The following CA1 variants were observed in gnomAD, a reference collection of about 807,000 sequenced individuals.
CA1 encodes carbonate dehydratase I.
A neutral mutation model predicts 28.8 loss-of-function variants in CA1; 27 were observed. That is an observed-to-expected ratio of 0.94 (90% CI 0.69 to 1.29). The LOEUF (loss-of-function observed/expected upper bound fraction) is 1.29, where lower values mean the gene tolerates loss of function less well. Among genes scored for constraint, CA1 ranks in the 50% most tolerant of loss-of-function variants. CA1 has a pLI of 0.00. For missense variants in CA1, 335 were observed against 310.5 expected (o/e 1.08, Z -0.59); for synonymous variants, 121 against 108.8 (o/e 1.11, Z -0.70).
At chr8:85,344,214 A>C (rs1201860331) in intron 1 of CA1, among the ~76,000 whole-genome samples, 1 of 107,684 alleles carries the variant, frequency 9.3e-6, no homozygotes, top group Non-Finnish European at 1.7e-5. Flanking sequence ...ATATAATATA[A>C]TTATATTATA....
chr8:85,360,250 T>TA (rs1407450882), intron 1 of CA1, among the ~76,000 whole-genome samples: 1 of 152,246 alleles, frequency 6.6e-6, no homozygotes, highest in Non-Finnish European at 1.5e-5. Flanking sequence ...AGCCAGATTT[T>TA]ATTTATAAGA....
intron 1 of CA1, among the ~76,000 whole-genome samples, chr8:85,352,056 TGGTTGTTGAAATTAGCTATG>T (rs1227875631): frequency 1.3e-5 from 2 of 152,224 alleles, no homozygotes; most frequent in African/African-American, 2.4e-5. Flanking sequence ...CCACAACTTC[TGGTTGTTGAAATTAGCTATG>T]GGTTGATTTT....
chr8:85,336,413 T>C (rs1808654935), intron 4 of CA1, among the ~76,000 whole-genome samples: 1 of 152,132 alleles, frequency 6.6e-6, no homozygotes, highest in African/African-American at 2.4e-5. Context: ...GATAATAATG[T>C]CCTGAAATAA....
At chr8:85,341,307 A>G (rs1189737146) in intron 2 of CA1, 3 of 290,914 alleles carry the variant, frequency 1.0e-5, no homozygotes, top group African/African-American at 6.5e-5. Context: ...GGAAAACTCC[A>G]AATTTTATGT....
At chr8:85,376,872 CT>C (rs1410172493) in intron 1 of CA1, among the ~76,000 whole-genome samples, 2 of 152,038 alleles carry the variant, frequency 1.3e-5, no homozygotes. Flanking sequence ...CTCTCAAATT[CT>C]TTAACTGACA....
At chr8:85,365,427 G>A (rs1044795400) in intron 1 of CA1, among the ~76,000 whole-genome samples, 1 of 152,198 alleles carries the variant, frequency 6.6e-6, no homozygotes, top group East Asian at 1.9e-4. Context: ...AGTGAGCACT[G>A]CTTGGCTGGA....
At position 85,328,656 on chromosome 8, in the gene CA1, A is replaced by C. The variant is rs199514200; in HGVS notation, c.690T>G (p.Leu230=). The C allele has an allele frequency of 2.5e-6, 4 of 1,608,650 alleles. No homozygotes were observed. The highest frequency in any genetic ancestry group is 3.3e-4 in the Middle Eastern group (2 of 6,028). ...CGTTATCACCTTCAACATTTGATAG[A>C]AGGCTGCGGAATTGTGCCAGCTAGA... ...SSEQLAQFRS[L]LSNVEGDNAV... Residue 230 remains leucine (L), a synonymous_variant, in exon 8 of 8, where the codon CTT becomes CTG. Coordinates refer to ENST00000523022, the MANE Select transcript of CA1 (RefSeq NM_001128831.4).
intron 1 of CA1, among the ~76,000 whole-genome samples, chr8:85,344,302 A>AT (rs1564029792): frequency 3.0e-4 from 26 of 86,004 alleles, no homozygotes; most frequent in African/African-American, 1.1e-3. Context: ...TATATAATAT[A>AT]ATTATATATT....
intron 1 of CA1, among the ~76,000 whole-genome samples, chr8:85,362,070 G>T (rs983554756): frequency 6.6e-6 from 1 of 152,178 alleles, no homozygotes; most frequent in Non-Finnish European, 1.5e-5. Flanking sequence ...AAATCAAGGG[G>T]TTGGCAGGGT....
chr8:85,328,530 T>G lies in CA1; in HGVS notation c.*30A>C. 2 of 1,206,582 alleles carry G rather than the reference T, an allele frequency of 1.7e-6. No individual in the cohort carries two copies. The highest frequency in any genetic ancestry group is 2.5e-6 in the Non-Finnish European group (2 of 809,386). 74.7% of individuals were successfully genotyped at this position (1,206,582 alleles called of 1,614,324 possible). A position where few individuals can be genotyped will look rare whatever the true frequency, so the allele number is the denominator to read the frequency against. ...TATGTCAGAAGCAGGGCTGTGTTCT[T>G]GAGGAAGGACAAGTTTCTTCTCAGA... On this transcript the variant is annotated 3_prime_UTR_variant, in exon 8 of 8. Coordinates refer to ENST00000523022, the MANE Select transcript of CA1 (RefSeq NM_001128831.4).
At chr8:85,366,820 A>T (rs1375732136) in intron 1 of CA1, among the ~76,000 whole-genome samples, 1 of 152,226 alleles carries the variant, frequency 6.6e-6, no homozygotes, top group Admixed American at 6.5e-5. Context: ...CTGATTTTGC[A>T]TATAAAATTT....
At position 85,327,871 on chromosome 8, in the gene CA1, A is replaced by G. The variant is rs1050750521; in HGVS notation, c.*689T>C. The stretch of plus-strand genomic sequence containing the variant: ...TCCAATTTTAAAGTAAAGATTCTCC[A>G]TGCAAACTAACTAGTTGTAATAATG... On this transcript the variant is annotated 3_prime_UTR_variant, in exon 8 of 8. Transcript: ENST00000523022. 2.0e-5 allele frequency: 3 copies of G among 152,210 alleles called. No individual in the cohort carries two copies. Among genetic ancestry groups the G allele is most frequent in the African/African-American group, 7.2e-5 (3 of 41,462 alleles). The allele number at this position is 152,210 out of a possible 1,614,324, so 9.4% of individuals were successfully genotyped here. A position where few individuals can be genotyped will look rare whatever the true frequency, so the allele number is the denominator to read the frequency against.
chr8:85,329,913 T>TATAA, intron 6 of CA1, 69 bp from the exon 7 acceptor site: 1 of 1,179,910 alleles, frequency 8.5e-7, no homozygotes, highest in Non-Finnish European at 1.2e-6. Flanking sequence ...GACATATATA[T>TATAA]GCTATATTAT....
chr8:85,373,520 C>T (rs1240601579), intron 1 of CA1: 2 of 152,182 alleles, frequency 1.3e-5, no homozygotes, highest in Non-Finnish European at 2.9e-5. Flanking sequence ...ACTACATTCA[C>T]ATAACTTTTA....
intron 1 of CA1, among the ~76,000 whole-genome samples, chr8:85,350,532 C>T (rs899033636): frequency 2.6e-5 from 4 of 152,164 alleles, no homozygotes; most frequent in Admixed American, 2.0e-4. Flanking sequence ...AAGACTGTCC[C>T]GGACTCTGCC....
intron 4 of CA1, among the ~76,000 whole-genome samples, chr8:85,336,347 C>T (rs1001753405): frequency 2.6e-4 from 40 of 152,080 alleles, no homozygotes; most frequent in Admixed American, 1.3e-4. Flanking sequence ...TTTTAATCTC[C>T]CAGACCCTCT....
intron 2 of CA1, among the ~76,000 whole-genome samples, chr8:85,339,958 G>A (rs1808847237): frequency 6.6e-6 from 1 of 152,192 alleles, no homozygotes; most frequent in South Asian, 2.1e-4. Flanking sequence ...GAGATTTAAA[G>A]AAAGATGCCA....
chr8:85,340,680 C>T (rs570038171), intron 2 of CA1, among the ~76,000 whole-genome samples: 34 of 152,294 alleles, frequency 2.2e-4, no homozygotes, highest in Admixed American at 9.2e-4. Flanking sequence ...CACCATTCTG[C>T]ATGAACATTT....
At chr8:85,340,600 GT>G (rs1808874084) in intron 2 of CA1, among the ~76,000 whole-genome samples, 1 of 152,168 alleles carries the variant, frequency 6.6e-6, no homozygotes, top group South Asian at 2.1e-4. Context: ...TAAGGCTGTA[GT>G]TCCCATAGAT....
Sources: allele counts gnomAD v4.1 joint callset (sites outside exome capture counted in the v4.1 genomes callset), GRCh38; gene constraint gnomAD v4.1.1; transcripts MANE v1.5; gene names NCBI Gene and HGNC (gene_info 2026-07-23, HGNC 2026-07-21).